Variants in PEAK1 observed in about 807,000 individuals in gnomAD.
PEAK1 encodes the protein pseudopodium enriched atypical kinase 1.
A neutral mutation model predicts 124.7 loss-of-function variants in PEAK1; 54 were observed. The observed-to-expected ratio is 0.43, with a 90% CI of 0.35 to 0.54. PEAK1 has a LOEUF of 0.54. PEAK1 is among the 20% of genes least tolerant of loss of function. The pLI is 0.01. For missense variants in PEAK1, 2,046 were observed against 2,134.5 expected, an observed-to-expected ratio of 0.96 and a Z score of 0.82; for synonymous variants, 719 against 760.0, an observed-to-expected ratio of 0.95 and a Z score of 0.89.
intron 6 of PEAK1, among the ~76,000 whole-genome samples, chr15:77,218,694 T>C (rs1380951820): frequency 6.6e-6 from 1 of 152,176 alleles, no homozygotes; most frequent in Non-Finnish European, 1.5e-5. Flanking sequence ...GTGATCCTCC[T>C]GCCTCAGCCT....
intron 1 of PEAK1, among the ~76,000 whole-genome samples, chr15:77,397,481 C>CAAA (rs35123944): frequency 8.0e-5 from 12 of 149,560 alleles, no homozygotes; most frequent in African/African-American, 2.9e-4. Flanking sequence ...AAAATAGAAA[C>CAAA]AAAAAAAATC....
intron 6 of PEAK1, among the ~76,000 whole-genome samples, chr15:77,213,910 C>T (rs1397463930): frequency 6.6e-6 from 1 of 152,026 alleles, no homozygotes; most frequent in East Asian, 1.9e-4. Context: ...AAAAAGTGTC[C>T]TTGTGTCCCT....
chr15:77,308,829 A>C (rs975582193), intron 2 of PEAK1, among the ~76,000 whole-genome samples: 8 of 152,102 alleles, frequency 5.3e-5, no homozygotes, highest in African/African-American at 1.9e-4. Context: ...AGGGAGAAGA[A>C]AAAACAAGCT....
chr15:77,320,177 G>C (rs748134925), intron 2 of PEAK1, among the ~76,000 whole-genome samples: 1 of 152,056 alleles, frequency 6.6e-6, no homozygotes, highest in South Asian at 2.1e-4. Context: ...TTATTGCCCA[G>C]TGTCCCTGTT....
intron 2 of PEAK1, among the ~76,000 whole-genome samples, chr15:77,302,301 T>C (rs1339486464): frequency 6.6e-6 from 1 of 152,170 alleles, no homozygotes; most frequent in African/African-American, 2.4e-5. Flanking sequence ...TATACATATA[T>C]CTATAAACAT....
intron 2 of PEAK1, chr15:77,346,726 A>G: frequency 1.0e-6 from 1 of 983,596 alleles, no homozygotes; most frequent in Non-Finnish European, 1.2e-6. Flanking sequence ...AAGAATGAAA[A>G]GACATTTGTA....
chr15:77,151,089 C>T (rs892868516), intron 8 of PEAK1, among the ~76,000 whole-genome samples: 4 of 152,216 alleles, frequency 2.6e-5, no homozygotes, highest in Admixed American at 6.5e-5. Flanking sequence ...CATCGCCACA[C>T]TGACTTCCAC....
At chr15:77,142,826 G>A (rs1489390260) in intron 8 of PEAK1, among the ~76,000 whole-genome samples, 4 of 152,158 alleles carry the variant, frequency 2.6e-5, no homozygotes, top group Admixed American at 2.6e-4. Context: ...GTAAGGGGCT[G>A]GGGGAAGGGG....
chr15:77,154,953 A>T (rs1418707544), intron 8 of PEAK1, among the ~76,000 whole-genome samples: 2 of 151,950 alleles, frequency 1.3e-5, no homozygotes, highest in African/African-American at 4.8e-5. Context: ...TGAATCTGAC[A>T]ATTATGTGTC....
intron 6 of PEAK1, among the ~76,000 whole-genome samples, chr15:77,215,776 C>T (rs758100029): frequency 2.6e-5 from 4 of 151,970 alleles, no homozygotes; most frequent in Non-Finnish European, 5.9e-5. Context: ...TTATGTTGCC[C>T]CTGCACCTAG....
intron 2 of PEAK1, chr15:77,333,901 A>T: frequency 2.3e-6 from 1 of 441,132 alleles, no homozygotes; most frequent in Non-Finnish European, 3.0e-6. Flanking sequence ...CAACAATTTC[A>T]GACCAATTTT....
chr15:77,159,709 G>A (rs924941026), intron 7 of PEAK1, among the ~76,000 whole-genome samples: 2 of 152,206 alleles, frequency 1.3e-5, no homozygotes, highest in East Asian at 1.9e-4. Context: ...AATTGGCAGT[G>A]AGTCATGGTG....
intron 9 of PEAK1, among the ~76,000 whole-genome samples, chr15:77,116,496 T>G (rs2051375221): frequency 6.6e-6 from 1 of 152,060 alleles, no homozygotes; most frequent in Non-Finnish European, 1.5e-5. Context: ...TACACATTCT[T>G]AGGAAGATTC....
chr15:77,136,022 G>A (rs11632692), intron 8 of PEAK1, among the ~76,000 whole-genome samples: 433 of 152,326 alleles, frequency 2.8e-3, no homozygotes, highest in Non-Finnish European at 4.5e-3. Flanking sequence ...ACAGTGTGGA[G>A]GGCTCAGAAG....
intron 7 of PEAK1, among the ~76,000 whole-genome samples, chr15:77,161,965 C>CAAAA (rs33972250): frequency 2.1e-4 from 18 of 84,380 alleles, no homozygotes; most frequent in African/African-American, 3.6e-4. Context: ...GACTCTGTCT[C>CAAAA]AAAAAAAAAA....
chr15:77,269,708 A>G (rs923148722), intron 5 of PEAK1, among the ~76,000 whole-genome samples: 2 of 152,192 alleles, frequency 1.3e-5, no homozygotes, highest in African/African-American at 4.8e-5. Flanking sequence ...AACACATGGA[A>G]CATTCTCCAA....
chr15:77,197,228 T>C (rs543330282), intron 6 of PEAK1, among the ~76,000 whole-genome samples: 4 of 152,218 alleles, frequency 2.6e-5, no homozygotes, highest in African/African-American at 9.6e-5. Flanking sequence ...TTGCTTAAAA[T>C]GAGAATATCA....
intron 8 of PEAK1, among the ~76,000 whole-genome samples, chr15:77,148,700 T>C (rs991475284): frequency 2.6e-5 from 4 of 151,834 alleles, no homozygotes; most frequent in African/African-American, 9.7e-5. Context: ...GAGGACTGCT[T>C]GAGGCCAGGA....
At chr15:77,300,060 C>A (rs1376275160) in intron 2 of PEAK1, among the ~76,000 whole-genome samples, 1 of 152,140 alleles carries the variant, frequency 6.6e-6, no homozygotes, top group Non-Finnish European at 1.5e-5. Flanking sequence ...ATGTGTCCAG[C>A]ACATCTTGTC....
Sources: gnomAD v4.1 joint callset for allele counts (sites outside exome capture counted in the v4.1 genomes callset) on GRCh38, gnomAD v4.1.1 for gene constraint, MANE v1.5 for transcripts, NCBI Gene and HGNC (gene_info 2026-07-23, HGNC 2026-07-21) for gene names.